The following RRM2 variants were observed in gnomAD, a reference collection of about 807,000 sequenced individuals.
RRM2 encodes the protein ribonucleoside-diphosphate reductase subunit M2.
RRM2 carries 6 observed loss-of-function variants against 45.9 expected under a neutral mutation model. The ratio of observed to expected loss-of-function variants is 0.13; its 90% confidence interval spans 0.07 to 0.26. RRM2 has a LOEUF of 0.26. Among genes scored for constraint, RRM2 ranks in the 10% least tolerant of loss-of-function variants. The pLI, the probability that RRM2 is intolerant of heterozygous loss-of-function variation, is 1.00. For missense variants in RRM2, 343 were observed against 489.5 expected, an observed-to-expected ratio of 0.70 and a Z score of 2.82; for synonymous variants, 177 against 173.0, an observed-to-expected ratio of 1.02 and a Z score of -0.18.
upstream of RRM2, among the ~76,000 whole-genome samples, chr2:10,139,975 G>A (rs575869382): frequency 2.6e-5 from 4 of 152,338 alleles, no homozygotes; most frequent in South Asian, 2.1e-4. Flanking sequence ...ATGGCTGGGC[G>A]TGGTGTCTCA....
upstream of RRM2, among the ~76,000 whole-genome samples, chr2:10,138,793 A>G (rs567970535): frequency 3.9e-5 from 6 of 152,198 alleles, no homozygotes; most frequent in East Asian, 1.9e-4. Context: ...TTCACGTGCC[A>G]TTCAGTTTGC....
intron 3 of RRM2, among the ~76,000 whole-genome samples, chr2:10,156,872 C>T (rs1572506754): frequency 1.3e-5 from 2 of 152,206 alleles, no homozygotes; most frequent in East Asian, 1.9e-4. Flanking sequence ...CAACCAGGCT[C>T]GAGTGATCCT....
intron 3 of RRM2, among the ~76,000 whole-genome samples, chr2:10,198,183 T>A (rs1013159013): frequency 1.3e-5 from 2 of 152,106 alleles, no homozygotes; most frequent in African/African-American, 4.8e-5. Flanking sequence ...ACCCATGGGG[T>A]GCATCTTCAG....
At chr2:10,196,013 C>T (rs1664407662) in intron 3 of RRM2, among the ~76,000 whole-genome samples, 1 of 152,230 alleles carries the variant, frequency 6.6e-6, no homozygotes, top group Non-Finnish European at 1.5e-5. Context: ...GCCGGCCGCC[C>T]AGGGACCTGC....
At chr2:10,206,408 C>G (rs74393291) in intron 3 of RRM2, among the ~76,000 whole-genome samples, 1 of 152,022 alleles carries the variant, frequency 6.6e-6, no homozygotes, top group Non-Finnish European at 1.5e-5. Flanking sequence ...ATATAAGCCA[C>G]CTAAACATCT....
chr2:10,137,393 C>T (rs527893579), upstream of RRM2, among the ~76,000 whole-genome samples: 181 of 152,358 alleles, frequency 1.2e-3, no homozygotes, highest in African/African-American at 4.1e-3. Context: ...AGGGTTTGGT[C>T]ATGCCTACAC....
chr2:10,197,988 A>G (rs749910192), intron 3 of RRM2, among the ~76,000 whole-genome samples: 2 of 152,086 alleles, frequency 1.3e-5, no homozygotes, highest in African/African-American at 4.8e-5. Context: ...TTCCCTCCCT[A>G]CAAGCACGCT....
chr2:10,134,329 CT>C (rs1662954181), downstream of RRM2, among the ~76,000 whole-genome samples: 1 of 152,074 alleles, frequency 6.6e-6, no homozygotes, highest in Non-Finnish European at 1.5e-5. Context: ...TGGGCAGGGG[CT>C]GACGTGCAAT....
chr2:10,126,574 G>A (rs1306426944), intron 5 of RRM2: 1 of 308,880 alleles, frequency 3.2e-6, no homozygotes, highest in African/African-American at 2.1e-5. Context: ...AATTTTAAAG[G>A]CAACAAATGT....
intron 3 of RRM2, among the ~76,000 whole-genome samples, chr2:10,157,481 C>T (rs1398230857): frequency 6.6e-6 from 1 of 152,206 alleles, no homozygotes; most frequent in East Asian, 1.9e-4. Flanking sequence ...CAGGAAACCC[C>T]TCTTGGCTCC....
chr2:10,197,544 G>A (rs1335162808), intron 3 of RRM2, among the ~76,000 whole-genome samples: 1 of 152,036 alleles, frequency 6.6e-6, no homozygotes, highest in Non-Finnish European at 1.5e-5. Flanking sequence ...GAGCACACTT[G>A]TGGATGGGTG....
intron 3 of RRM2, chr2:10,198,922 T>G (rs540659543): frequency 6.6e-6 from 1 of 152,122 alleles, no homozygotes; most frequent in Non-Finnish European, 1.5e-5. Context: ...ATTTGTGGTT[T>G]ATGGTCATGC....
intron 3 of RRM2, among the ~76,000 whole-genome samples, chr2:10,183,997 G>T (rs1188762907): frequency 6.8e-6 from 1 of 146,316 alleles, no homozygotes; most frequent in African/African-American, 2.5e-5. Flanking sequence ...GGAGGCTGAG[G>T]CAGGAGAATG....
Position 10,144,922 on chromosome 2 carries a change from C to A in RRM2, n.482+2547C>A, listed in dbSNP as rs537262127. The stretch of plus-strand genomic sequence containing the variant: ...GACCCCACTGGCTGGTGGGGGTGAC[C>A]GTGTTATGCAAAGTGTACACCATGT... On this transcript the variant is annotated intron_variant and non_coding_transcript_variant, in intron 3 of 3. Transcript: ENST00000381786. Among the ~76,000 whole-genome samples the A allele has an allele frequency of 2.7e-4, 41 of 152,262 alleles. 1 individual carries two copies. The South Asian group carries it at 8.3e-3, about 31-fold the overall frequency.
chr2:10,123,393 A>G lies in RRM2; in HGVS notation c.181A>G (p.Lys61Glu). 1.9e-6 allele frequency: 3 copies of G among 1,602,410 alleles called. No individual in the cohort carries two copies. The South Asian group carries it at 3.3e-5, about 18-fold the overall frequency. ...IFQEPTEPKT[K>E]AAAPGVEDEP... is the part of the protein sequence containing the mutation. ...TTATTTTCTCCCCCAACAGAAAACT[A>G]AAGCAGCTGCCCCCGGCGTGGAGGA... The change falls in exon 3 of 10, where the codon AAA becomes GAA. Residue 61 changes from lysine to glutamate, a missense_variant. By Grantham distance (56) the Lys-to-Glu change is moderately conservative. Coordinates refer to ENST00000304567, the MANE Select transcript of RRM2 (RefSeq NM_001034.4).
intron 3 of RRM2, among the ~76,000 whole-genome samples, chr2:10,150,899 C>T (rs936424388): frequency 6.6e-6 from 1 of 151,762 alleles, no homozygotes; most frequent in Admixed American, 6.6e-5. Context: ...CTGCAACCTC[C>T]ACCTCCTGGG....
At chr2:10,209,061 T>TTTCTTTCTTTC (rs1558409781) in intron 3 of RRM2, among the ~76,000 whole-genome samples, 9 of 80,148 alleles carry the variant, frequency 1.1e-4, no homozygotes, top group East Asian at 4.4e-4. Flanking sequence ...TTCTTTCTTT[T>TTTCTTTCTTTC]TTTTTTTTTT....
chr2:10,128,379 T>A (rs1214599325), intron 7 of RRM2, among the ~76,000 whole-genome samples: 3 of 152,252 alleles, frequency 2.0e-5, no homozygotes, highest in Non-Finnish European at 4.4e-5. Flanking sequence ...CCTTCCTTAC[T>A]GGATTGGGAG....
chr2:10,169,497 G>A lies in RRM2; in HGVS notation n.482+27122G>A, dbSNP rs1403509639. 1.3e-5 allele frequency among the ~76,000 whole-genome samples: 2 copies of A among 152,196 alleles called. No individual in the cohort carries two copies. The highest frequency in any genetic ancestry group is 4.1e-4 in the South Asian group (2 of 4,828). The stretch of plus-strand genomic sequence containing the variant: ...CCAGCAAAATGCTCTGCATGGGACA[G>A]GTTCTGGTTTTTGCTACAGAGACTG... On this transcript the variant is annotated intron_variant and non_coding_transcript_variant, in intron 3 of 3. Coordinates refer to the RRM2 transcript ENST00000381786. The surrounding 1 kb of genome is among the most constrained non-coding windows in gnomAD (Gnocchi z 5.1).
Sources: gnomAD v4.1 joint callset for allele counts (sites outside exome capture counted in the v4.1 genomes callset) on GRCh38, gnomAD v4.1.1 for gene constraint, Gnocchi (gnomAD v3.1) non-coding constraint, MANE v1.5 for transcripts, NCBI Gene and HGNC (gene_info 2026-07-23, HGNC 2026-07-21) for gene names.